The following MTMR2 variants were observed in gnomAD, a reference collection of about 807,000 sequenced individuals.
MTMR2 encodes myotubularin related protein 2, also known as phosphatidylinositol-3,5-bisphosphate 3-phosphatase MTMR2.
In MTMR2, 55 loss-of-function variants were observed where a neutral mutation model predicts 86.9. The observed-to-expected ratio is 0.63, with a 90% CI of 0.51 to 0.79. The LOEUF is 0.79. MTMR2 is among the 30% of genes least tolerant of loss of function. The pLI is 0.00. For missense variants in MTMR2, 659 were observed against 772.3 expected (o/e 0.85, Z 1.74); for synonymous variants, 241 against 266.8 (o/e 0.90, Z 0.94).
chr11:95,899,994 A>G (rs996687932), intron 1 of MTMR2, among the ~76,000 whole-genome samples: 2 of 152,194 alleles, frequency 1.3e-5, no homozygotes, highest in Non-Finnish European at 2.9e-5. Flanking sequence ...TGCTCAGGTT[A>G]TGGAGCATCC....
rs569459664 is a variant in MTMR2, at chr11:95,874,691, A to C, written c.187-9015T>G. Among the ~76,000 whole-genome samples, 18 of 152,174 alleles carry C rather than the reference A, an allele frequency of 1.2e-4. No individual in the cohort carries two copies. The East Asian group carries it at 1.9e-3, about 16-fold the overall frequency. On this transcript the variant is annotated intron_variant, in intron 2 of 14. Transcript: ENST00000346299. ...GTTGATGCTTTTTCTTCCTAGCCTC[A>C]ATGGTCTTTACAATTTGGCATGTTT...
Position 95,923,876 on chromosome 11 carries a change from T to C in MTMR2, c.79A>G (p.Ser27Gly). Residue 27 changes from serine (S) to glycine (G), a missense_variant and splice_region_variant, in exon 1 of 15, where the codon AGT becomes GGT. Around this residue, in one of 3 missense-constraint regions of MTMR2, gnomAD observed 79 missense variants for 54.4 expected, o/e 1.45. Transcript: ENST00000346299. ...CGGGGCCCTGGGCGTCCTGGTTACC[T>C]GGACAAGGAGTCCACGCTGGGCGGC... ...ARPPSVDSLS[S>G]ASTSHSENSV... is the part of the protein sequence containing the mutation. The C allele has an allele frequency of 6.4e-7, 1 of 1,553,664 alleles. No homozygotes were observed. Among genetic ancestry groups the C allele is most frequent in the South Asian group, 1.2e-5 (1 of 84,294 alleles).
At chr11:95,874,130 G>A (rs1047998835) in intron 2 of MTMR2, among the ~76,000 whole-genome samples, 9 of 152,172 alleles carry the variant, frequency 5.9e-5, no homozygotes, top group South Asian at 2.1e-4. Flanking sequence ...GCAGAGCTGA[G>A]TTCAATTCCT....
chr11:95,859,113 T>TC (rs1864313166), intron 5 of MTMR2, among the ~76,000 whole-genome samples: 1 of 152,190 alleles, frequency 6.6e-6, no homozygotes, highest in Non-Finnish European at 1.5e-5. Context: ...AACTATCCCT[T>TC]CCCAGGGTTC....
intron 1 of MTMR2, among the ~76,000 whole-genome samples, chr11:95,912,151 T>A (rs1303923459): frequency 6.6e-6 from 1 of 150,770 alleles, no homozygotes; most frequent in Non-Finnish European, 1.5e-5. Flanking sequence ...GCATTCAACA[T>A]CTTTCTCTTT....
chr11:95,857,086 A>C (rs1397083456), intron 7 of MTMR2, among the ~76,000 whole-genome samples: 1 of 152,072 alleles, frequency 6.6e-6, no homozygotes, highest in Non-Finnish European at 1.5e-5. Flanking sequence ...GTGGTTCTTT[A>C]CCTCTACCTG....
chr11:95,905,060 T>C (rs1866205816), intron 1 of MTMR2, among the ~76,000 whole-genome samples: 1 of 152,170 alleles, frequency 6.6e-6, no homozygotes, highest in Non-Finnish European at 1.5e-5. Flanking sequence ...ACCTTCCTCC[T>C]TGAAACACTT....
chr11:95,851,792 T>C (rs1864032417), intron 7 of MTMR2, among the ~76,000 whole-genome samples: 1 of 152,212 alleles, frequency 6.6e-6, no homozygotes, highest in Non-Finnish European at 1.5e-5. Flanking sequence ...TACTAATGGA[T>C]GTTGCTAATC....
chr11:95,868,870 C>T (rs1864740357), intron 2 of MTMR2, among the ~76,000 whole-genome samples: 1 of 151,502 alleles, frequency 6.6e-6, no homozygotes, highest in Non-Finnish European at 1.5e-5. Flanking sequence ...GGAAAATGCT[C>T]CCAAAAAGTA....
intron 1 of MTMR2, among the ~76,000 whole-genome samples, chr11:95,905,329 G>GCGCGCGCGCGCA (rs1491318210): frequency 2.5e-5 from 1 of 39,700 alleles, no homozygotes; most frequent in African/African-American, 8.4e-5. Flanking sequence ...GCACGCACCT[G>GCGCGCGCGCGCA]CGCACACACA....
At chr11:95,875,683 T>C (rs557783154) in intron 2 of MTMR2, among the ~76,000 whole-genome samples, 4 of 152,316 alleles carry the variant, frequency 2.6e-5, no homozygotes, top group African/African-American at 9.6e-5. Flanking sequence ...CTTCTGACTT[T>C]TAGAGTTTCC....
intron 2 of MTMR2, among the ~76,000 whole-genome samples, chr11:95,876,906 C>T (rs909147918): frequency 5.3e-5 from 8 of 152,048 alleles, no homozygotes; most frequent in Non-Finnish European, 8.8e-5. Flanking sequence ...TTACTATAAA[C>T]TCGATCTAGA....
intron 7 of MTMR2, among the ~76,000 whole-genome samples, chr11:95,853,821 G>C (rs566289428): frequency 2.6e-5 from 4 of 152,222 alleles, no homozygotes; most frequent in Non-Finnish European, 5.9e-5. Context: ...TGAACCACAG[G>C]AAGTTTCCAT....
At chr11:95,923,208 G>A (rs1453409436) in intron 1 of MTMR2, among the ~76,000 whole-genome samples, 4 of 152,118 alleles carry the variant, frequency 2.6e-5, no homozygotes, top group Non-Finnish European at 5.9e-5. Context: ...GCCCAAGAAG[G>A]AAGAAAACTA....
chr11:95,873,311 C>T (rs1864967935), intron 2 of MTMR2, among the ~76,000 whole-genome samples: 1 of 152,192 alleles, frequency 6.6e-6, no homozygotes, highest in Non-Finnish European at 1.5e-5. Context: ...TTCAGGGATT[C>T]AACTTCTTCC....
chr11:95,840,167 T>C (rs1863482668), intron 12 of MTMR2: 1 of 152,136 alleles, frequency 6.6e-6, no homozygotes, highest in African/African-American at 2.4e-5. Context: ...AATGTGCTTT[T>C]TTTCTAGCAA....
intron 2 of MTMR2, 98 bp from the exon 3 acceptor site, chr11:95,865,774 A>G (rs1174657344): frequency 8.9e-6 from 8 of 894,202 alleles, no homozygotes; most frequent in African/African-American, 1.7e-5. Context: ...AAGTTATAAC[A>G]TCATATCACA....
intron 7 of MTMR2, among the ~76,000 whole-genome samples, chr11:95,856,342 T>TA (rs2135459265): frequency 6.6e-6 from 1 of 152,008 alleles, no homozygotes; most frequent in African/African-American, 2.4e-5. Flanking sequence ...CCTTTTTTTT[T>TA]TTTATTTAAA....
chr11:95,845,125 T>C lies in MTMR2; in HGVS notation c.1214A>G (p.Lys405Arg). ...ILAGALRIAD[K>R]VESGKTSVVV... ...CACAGACGTCTTCCCTGACTCTACC[T>C]TGTCAGCAATCCTAAGAGCCCCTGC... The change falls in exon 11 of 15, where the codon AAG (lysine) becomes AGG (arginine). Residue 405 changes from lysine (K) to arginine (R), a missense_variant. This residue lies in a region of MTMR2 where 387 missense variants were observed against 526.3 expected (regional missense o/e 0.74). Coordinates refer to ENST00000346299, the MANE Select transcript of MTMR2 (RefSeq NM_016156.6). 6.2e-7 allele frequency: 1 copy of C among 1,613,908 alleles called. No homozygotes were observed. The highest frequency in any genetic ancestry group is 8.5e-7 in the Non-Finnish European group (1 of 1,179,846).
Sources: gnomAD v4.1 joint callset for allele counts (sites outside exome capture counted in the v4.1 genomes callset) on GRCh38, gnomAD v4.1.1 for gene constraint, gnomAD v4.1.1 regional missense constraint, MANE v1.5 for transcripts, NCBI Gene and HGNC (gene_info 2026-07-23, HGNC 2026-07-21) for gene names.